TSPAN9: variants seen among roughly 807,000 people sequenced by gnomAD.
TSPAN9 encodes the protein tetraspanin 9.
A neutral mutation model predicts 31.0 loss-of-function variants in TSPAN9; 16 were observed. That is an observed-to-expected ratio of 0.52 (90% CI 0.35 to 0.78). The LOEUF (loss-of-function observed/expected upper bound fraction) is 0.78. Among genes scored for constraint, TSPAN9 ranks in the 30% least tolerant of loss-of-function variants. The pLI, the probability that TSPAN9 is intolerant of heterozygous loss-of-function variation, is 0.01. For missense variants in TSPAN9, 272 were observed against 312.5 expected (o/e 0.87, Z 0.98); for synonymous variants, 145 against 121.6 (o/e 1.19, Z -1.27).
intron 3 of TSPAN9, among the ~76,000 whole-genome samples, chr12:3,211,421 T>G (rs2098378630): frequency 6.6e-6 from 1 of 152,178 alleles, no homozygotes; most frequent in South Asian, 2.1e-4. Context: ...CTCTTACGCT[T>G]TTTCAAGAGT....
chr12:3,211,797 A>G, intron 3 of TSPAN9: 2 of 1,596,728 alleles, frequency 1.3e-6, no homozygotes, highest in Non-Finnish European at 1.7e-6. Flanking sequence ...GTGATTTTAT[A>G]GCATCCTGGG....
At chr12:3,099,568 T>A (rs1565575198) in intron 2 of TSPAN9, among the ~76,000 whole-genome samples, 1 of 152,264 alleles carries the variant, frequency 6.6e-6, no homozygotes. Flanking sequence ...CTTCTTTGAA[T>A]GTCTACTGAT....
At chr12:3,106,574 A>G (rs957664579) in intron 2 of TSPAN9, among the ~76,000 whole-genome samples, 10 of 152,030 alleles carry the variant, frequency 6.6e-5, no homozygotes, top group Admixed American at 5.2e-4. Context: ...ATTTGAGTTC[A>G]CCCTCAGCAA....
intron 2 of TSPAN9, among the ~76,000 whole-genome samples, chr12:3,113,012 T>C (rs368385666): frequency 1.6e-4 from 24 of 152,314 alleles, no homozygotes; most frequent in African/African-American, 5.5e-4. Flanking sequence ...TACATTTCCT[T>C]CTTAACTTCT....
intron 3 of TSPAN9, among the ~76,000 whole-genome samples, chr12:3,265,123 A>G (rs905042184): frequency 1.3e-5 from 2 of 152,172 alleles, no homozygotes; most frequent in Non-Finnish European, 2.9e-5. Flanking sequence ...AGATGTGTGC[A>G]AGGTACCTGC....
At chr12:3,148,037 T>G (rs1189195359) in intron 2 of TSPAN9, among the ~76,000 whole-genome samples, 1 of 152,094 alleles carries the variant, frequency 6.6e-6, no homozygotes, top group African/African-American at 2.4e-5. Flanking sequence ...ACTTCATTCA[T>G]CCTGGAGACA....
chr12:3,191,968 C>G (rs1362934130), intron 2 of TSPAN9, among the ~76,000 whole-genome samples: 1 of 152,086 alleles, frequency 6.6e-6, no homozygotes, highest in Non-Finnish European at 1.5e-5. Flanking sequence ...CAATAATTCA[C>G]AAGAGCTCAG....
intron 2 of TSPAN9, among the ~76,000 whole-genome samples, chr12:3,179,205 G>A (rs538241395): frequency 3.3e-5 from 5 of 152,196 alleles, no homozygotes; most frequent in East Asian, 1.9e-4. Flanking sequence ...CATGGATGCC[G>A]CAGACAGGAA....
chr12:3,255,470 C>T (rs1240286377), intron 3 of TSPAN9, among the ~76,000 whole-genome samples: 2 of 152,230 alleles, frequency 1.3e-5, no homozygotes, highest in African/African-American at 2.4e-5. Flanking sequence ...AACTTTTCTC[C>T]AGCACTTTCT....
intron 2 of TSPAN9, among the ~76,000 whole-genome samples, chr12:3,145,490 GC>G (rs1161494487): frequency 6.6e-6 from 1 of 152,148 alleles, no homozygotes. Context: ...GGGCAGAGGA[GC>G]ACCCACCTCA....
At chr12:3,098,368 A>C (rs777992879) in intron 2 of TSPAN9, among the ~76,000 whole-genome samples, 1 of 152,174 alleles carries the variant, frequency 6.6e-6, no homozygotes, top group African/African-American at 2.4e-5. Context: ...AAGAGGGGGC[A>C]GGCTGAGGGC....
rs1285471593 is a variant in TSPAN9 at position 3,153,863 on chromosome 12, CGT to C, written c.-17-47307_-17-47306del. Among the ~76,000 whole-genome samples the C allele has an allele frequency of 1.6e-4, 20 of 126,986 alleles. No individual in the cohort carries two copies. In the South Asian group the frequency reaches 5.0e-3, roughly 32 times the overall value. The allele number at this position is 126,986 out of a possible 152,430, so 83.3% of individuals were successfully genotyped here. A position where few individuals can be genotyped will look rare whatever the true frequency, so the allele number is the denominator to read the frequency against. On this transcript the variant is annotated intron_variant, in intron 2 of 8. Coordinates refer to ENST00000011898, the MANE Select transcript of TSPAN9 (RefSeq NM_006675.5). ...ATATATATATGTGTGTGTGTGTGTG[CGT>C]GTGTGTCTGTGGATGTATCTCTGTC...
chr12:3,102,237 C>T (rs980890756), intron 2 of TSPAN9, among the ~76,000 whole-genome samples: 3 of 151,980 alleles, frequency 2.0e-5, no homozygotes, highest in Non-Finnish European at 4.4e-5. Flanking sequence ...GATCCTTCTG[C>T]CTCACCCTCC....
At chr12:3,094,328 T>A (rs538118932) in intron 2 of TSPAN9, among the ~76,000 whole-genome samples, 4,322 of 152,130 alleles carry the variant, frequency 0.028, 200 homozygotes, top group African/African-American at 0.1. Flanking sequence ...TTGCCTCTAT[T>A]AGAGAAATTC....
At chr12:3,186,271 G>A (rs1040826291) in intron 2 of TSPAN9, among the ~76,000 whole-genome samples, 1 of 152,196 alleles carries the variant, frequency 6.6e-6, no homozygotes, top group African/African-American at 2.4e-5. Flanking sequence ...GAAACTGTTC[G>A]TAGCTTTGGG....
chr12:3,201,820 G>C (rs1407742680), intron 3 of TSPAN9, among the ~76,000 whole-genome samples: 1 of 152,232 alleles, frequency 6.6e-6, no homozygotes, highest in Non-Finnish European at 1.5e-5. Flanking sequence ...CGATGGACCT[G>C]CTTGCTAGTC....
intron 6 of TSPAN9, 119 bp from the exon 7 acceptor site, chr12:3,281,079 C>T: frequency 6.7e-7 from 1 of 1,487,820 alleles, no homozygotes. Context: ...TGTCTCCTCC[C>T]TTAACTGCAG....
intron 3 of TSPAN9, among the ~76,000 whole-genome samples, chr12:3,205,088 G>A (rs2098374232): frequency 6.7e-6 from 1 of 149,966 alleles, no homozygotes; most frequent in Admixed American, 6.6e-5. Context: ...GCTCTTCCCA[G>A]CCCAAATCAA....
intron 2 of TSPAN9, among the ~76,000 whole-genome samples, chr12:3,140,395 A>G (rs1021665792): frequency 5.3e-5 from 8 of 152,204 alleles, no homozygotes; most frequent in African/African-American, 1.7e-4. Context: ...GAGGAGAGTC[A>G]TGTGTGGTGC....
Sources: gnomAD v4.1 joint callset for allele counts (sites outside exome capture counted in the v4.1 genomes callset) on GRCh38, gnomAD v4.1.1 for gene constraint, MANE v1.5 for transcripts, NCBI Gene and HGNC (gene_info 2026-07-23, HGNC 2026-07-21) for gene names.